Variants in TGM7 observed in about 807,000 individuals in gnomAD.
TGM7 encodes transglutaminase 7, also known as protein-glutamine gamma-glutamyltransferase Z.
In TGM7, 74 loss-of-function variants were observed where a neutral mutation model predicts 79.5. The observed-to-expected ratio is 0.93, with a 90% CI of 0.77 to 1.13. The LOEUF is 1.13. TGM7 is among the 50% of genes most tolerant of loss of function. The probability of loss-of-function intolerance (pLI) is 0.00; values close to 1 mark genes in which losing one functional copy is unlikely to be tolerated. For missense variants in TGM7, 912 were observed against 905.9 expected (o/e 1.01, Z -0.09); for synonymous variants, 354 against 362.5 (o/e 0.98, Z 0.27).
Position 43,279,678 on chromosome 15 carries a change from G to A in TGM7, c.1625C>T (p.Thr542Ile), listed in dbSNP as rs778109208. 6.2e-6 allele frequency: 10 copies of A among 1,612,800 alleles called. No homozygotes were observed. The African/African-American group carries it at 1.1e-4, about 17-fold the overall frequency. Residue 542 changes from threonine (T) to isoleucine (I), a missense_variant, in exon 10 of 13, where the codon ACC becomes ATC. Coordinates refer to ENST00000452443, the MANE Select transcript of TGM7 (RefSeq NM_052955.3). ...TGTGTGCCTCCAGAAGGGCTTCTGG[G>A]TACCACCCCCATGCAGCAGGGCCTG... Reference protein sequence around the residue: ...CAQALLHGGGTQKPFWRHTVR... With the variant: ...CAQALLHGGGIQKPFWRHTVR...
intron 11 of TGM7, among the ~76,000 whole-genome samples, chr15:43,278,503 T>C (rs1167542969): frequency 9.2e-5 from 14 of 152,230 alleles, no homozygotes; most frequent in Admixed American, 9.2e-4. Flanking sequence ...CTCTGTTGTC[T>C]AGGCTGGAGT....
intron 1 of TGM7, among the ~76,000 whole-genome samples, chr15:43,299,332 A>G (rs1453263119): frequency 6.6e-6 from 1 of 152,230 alleles, no homozygotes; most frequent in Non-Finnish European, 1.5e-5. Context: ...CCCTGTCACA[A>G]CGATCTAAGC....
rs764463449 is a variant in TGM7, at chr15:43,302,227, T to TTCCCAGTAC, written c.10+5_10+13dup. On this transcript the variant is annotated intron_variant, in intron 1 of 12. Transcript: ENST00000452443. ...TAGCACCTCCGAAAAGGTAAGTCGATTCCCAGTACTCACCCTGATCCATCT... is the reference window on the plus strand; with the variant it reads ...TAGCACCTCCGAAAAGGTAAGTCGATTCCCAGTACTCCCAGTACTCACCCTGATCCATCT... 1 of 1,614,142 alleles carries TTCCCAGTAC rather than the reference T, an allele frequency of 6.2e-7. No individual in the cohort carries two copies. The highest frequency in any genetic ancestry group is 8.5e-7 in the Non-Finnish European group (1 of 1,180,024).
At position 43,291,245 on chromosome 15, in the gene TGM7, C is replaced by T. The variant is rs150995566; in HGVS notation, c.558+734G>A. Among the ~76,000 whole-genome samples the T allele has an allele frequency of 9.9e-3, 1,512 of 152,252 alleles. 91 individuals are homozygous for T. Among genetic ancestry groups the T allele is most frequent in the Admixed American group, 0.084 (1,286 of 15,296 alleles). On this transcript the variant is annotated intron_variant, in intron 4 of 12. Coordinates refer to ENST00000452443, the MANE Select transcript of TGM7 (RefSeq NM_052955.3). ...TATTTTGAGATATGTCCCATCAATA[C>T]CTAATTTATTGAGAGTTTTTAGCAT...
intron 6 of TGM7, among the ~76,000 whole-genome samples, chr15:43,286,782 G>C (rs1485946276): frequency 1.3e-5 from 2 of 152,192 alleles, no homozygotes; most frequent in Non-Finnish European, 2.9e-5. Context: ...GTAAATAATT[G>C]ATACTGCATA....
In TGM7 at chr15:43,276,608, C is replaced by T. The variant is rs139251084; in HGVS notation, c.1980G>A (p.Gly660=). Residue 660 remains glycine, a synonymous_variant, in exon 13 of 13, where the codon GGG becomes GGA. Coordinates refer to ENST00000452443, the MANE Select transcript of TGM7 (RefSeq NM_052955.3). ...GGAGGGTGTGTCCGGCCACCAGAGT[C>T]CCAAGGCTGAAAGTCAGAAACAGCC... The part of the protein sequence containing the change: ...LINGQIAKDL[G]TLVAGHTLQI... 2.5e-6 allele frequency: 4 copies of T among 1,612,664 alleles called. No homozygotes were observed. Among genetic ancestry groups the T allele is most frequent in the Non-Finnish European group, 3.4e-6 (4 of 1,179,412 alleles).
chr15:43,282,416 C>G lies in TGM7; in HGVS notation c.1108+101G>C, dbSNP rs765806078. The G allele has an allele frequency of 2.8e-5, 28 of 1,012,454 alleles. No homozygotes were observed. In the East Asian group the frequency reaches 7.1e-4, roughly 26 times the overall value. The allele number at this position is 1,012,454 out of a possible 1,614,324, so 62.7% of individuals were successfully genotyped here. A position where few individuals can be genotyped will look rare whatever the true frequency, so the allele number is the denominator to read the frequency against. ...AGCTGGGACCTCGGGAAGAGGGTGCCGTGGAAAACGCTGCTCCTCCCTGGT... is the reference window on the plus strand; with the variant it reads ...AGCTGGGACCTCGGGAAGAGGGTGCGGTGGAAAACGCTGCTCCTCCCTGGT... On this transcript the variant is annotated intron_variant, in intron 8 of 12. Transcript: ENST00000452443.
intron 1 of TGM7, among the ~76,000 whole-genome samples, chr15:43,297,323 C>T (rs912033261): frequency 3.3e-5 from 5 of 151,816 alleles, no homozygotes; most frequent in African/African-American, 7.3e-5. Context: ...CATGGTGGCT[C>T]ATGCTTATAA....
intron 7 of TGM7, among the ~76,000 whole-genome samples, chr15:43,283,383 G>A (rs773701006): frequency 6.6e-6 from 1 of 152,178 alleles, no homozygotes; most frequent in South Asian, 2.1e-4. Context: ...ATTCAGCTAC[G>A]CAGAATGTTG....
chr15:43,294,724 C>T (rs117628585), intron 1 of TGM7, among the ~76,000 whole-genome samples: 102 of 152,302 alleles, frequency 6.7e-4, no homozygotes, highest in Non-Finnish European at 1.0e-3. Context: ...ACGGGAAATT[C>T]CGTGCCCTGG....
chr15:43,281,350 C>G (rs1327666406), intron 9 of TGM7, among the ~76,000 whole-genome samples: 2 of 152,230 alleles, frequency 1.3e-5, no homozygotes, highest in East Asian at 3.9e-4. Context: ...GGGCCCATCC[C>G]CCTGACTCCA....
intron 12 of TGM7, 80 bp from the exon 13 acceptor site, chr15:43,276,694 G>A: frequency 1.3e-6 from 2 of 1,550,038 alleles, no homozygotes; most frequent in South Asian, 1.2e-5. Context: ...CTCTGGGTGG[G>A]TAAGAGGCTC....
At chr15:43,279,982 A>C in intron 9 of TGM7, 31 bp from the exon 10 acceptor site, 2 of 1,598,006 alleles carry the variant, frequency 1.3e-6, no homozygotes, top group East Asian at 4.5e-5. Flanking sequence ...AGAGACATGC[A>C]TGGGGAGGGG....
intron 9 of TGM7, among the ~76,000 whole-genome samples, chr15:43,280,720 A>ATTACCACAGTTACTACTGTTACTAC (rs2042903567): frequency 6.6e-6 from 1 of 152,228 alleles, no homozygotes; most frequent in South Asian, 2.1e-4. Context: ...TGAGACCATC[A>ATTACCACAGTTACTACTGTTACTAC]TTACCACAGT....
At chr15:43,299,056 TA>T (rs1458480615) in intron 1 of TGM7, among the ~76,000 whole-genome samples, 2 of 152,208 alleles carry the variant, frequency 1.3e-5, no homozygotes, top group Non-Finnish European at 2.9e-5. Context: ...GAAGATTTTT[TA>T]AAAAGACTAA....
chr15:43,292,584 G>T, intron 3 of TGM7, 125 bp downstream of exon 3: 1 of 1,203,876 alleles, frequency 8.3e-7, no homozygotes, highest in Non-Finnish European at 1.2e-6. Context: ...GATGATTTTT[G>T]TGAGAGCACA....
At chr15:43,279,393 A>G (rs1246002950) in intron 10 of TGM7, 116 bp from the exon 11 acceptor site, 1 of 1,241,290 alleles carries the variant, frequency 8.1e-7, no homozygotes, top group Non-Finnish European at 1.1e-6. Flanking sequence ...AGTGTGTGTG[A>G]GAGACAGACA....
chr15:43,289,040 T>C (rs1479897011), intron 4 of TGM7, among the ~76,000 whole-genome samples: 4 of 151,716 alleles, frequency 2.6e-5, no homozygotes, highest in Non-Finnish European at 1.5e-5. Context: ...ATTTTAGCCT[T>C]TGCAGGCCAT....
At chr15:43,299,532 C>T (rs1046374561) in intron 1 of TGM7, among the ~76,000 whole-genome samples, 1 of 152,194 alleles carries the variant, frequency 6.6e-6, no homozygotes, top group African/African-American at 2.4e-5. Context: ...AAGGAATCAA[C>T]TGCCAACAAA....
Sources: gnomAD v4.1 joint callset for allele counts (sites outside exome capture counted in the v4.1 genomes callset) on GRCh38, gnomAD v4.1.1 for gene constraint, MANE v1.5 for transcripts, NCBI Gene and HGNC (gene_info 2026-07-23, HGNC 2026-07-21) for gene names.